LRCH1: variants seen among roughly 807,000 people sequenced by gnomAD.
LRCH1 encodes the protein leucine rich repeats and calponin homology domain containing 1, also known as leucine-rich repeat and calponin homology domain-containing protein 1.
Under a neutral mutation model 94.9 loss-of-function variants are expected in LRCH1, and 23 were observed. The ratio of observed to expected loss-of-function variants is 0.24; its 90% CI spans 0.17 to 0.34. LRCH1 has a LOEUF of 0.34. Among genes scored for constraint, LRCH1 ranks in the 10% least tolerant of loss-of-function variants. LRCH1 has a pLI of 1.00. For missense variants in LRCH1, 790 were observed against 945.9 expected, an observed-to-expected ratio of 0.84 and a Z score of 2.16; for synonymous variants, 364 against 354.9, an observed-to-expected ratio of 1.03 and a Z score of -0.29.
At chr13:46,752,187 A>G (rs1874168823) in exon 19 of LRCH1, 1 of 152,304 alleles carries the variant, frequency 6.6e-6, no homozygotes, top group South Asian at 2.1e-4. Context: ...AGTTCCATGC[A>G]TGTGCACTCA....
rs375671482 is a variant in LRCH1 at position 46,741,632 on chromosome 13, C to T, written c.2086-10C>T. Reference sequence around the variant, plus strand: ...GTCTCTTTCTGTTCTAATGGCTGCCCTCGGAATAGGCTGACCTCTGCTCTC... The same window carrying T: ...GTCTCTTTCTGTTCTAATGGCTGCCTTCGGAATAGGCTGACCTCTGCTCTC... On this transcript the variant is annotated splice_polypyrimidine_tract_variant and intron_variant, in intron 19 of 19. Transcript: ENST00000389797. The T allele has an allele frequency of 4.3e-6, 7 of 1,613,886 alleles. No individual in the cohort carries two copies. In the African/African-American group the frequency reaches 6.7e-5, roughly 15 times the overall value.
chr13:46,614,390 A>T (rs1159407658), intron 1 of LRCH1, among the ~76,000 whole-genome samples: 1 of 152,210 alleles, frequency 6.6e-6, no homozygotes, highest in Non-Finnish European at 1.5e-5. Flanking sequence ...AGGAGAAAGA[A>T]TATGAAAAGG....
At chr13:46,668,874 C>T (rs1038615389) in intron 2 of LRCH1, among the ~76,000 whole-genome samples, 156 bp from the exon 3 acceptor site, 1 of 151,610 alleles carries the variant, frequency 6.6e-6, no homozygotes, top group Non-Finnish European at 1.5e-5. Context: ...ACATACTTGT[C>T]ATTTGAGTTG....
At position 46,705,142 on chromosome 13, in the gene LRCH1, A is replaced by T. The variant is rs1157634947; in HGVS notation, c.1475A>T (p.Gln492Leu). The change falls in exon 12 of 20, where the codon CAA (glutamine) becomes CTA (leucine). Residue 492 changes from glutamine to leucine, a missense_variant. This residue lies in a region of LRCH1 where 460 missense variants were observed against 508.9 expected (regional missense o/e 0.90). Coordinates refer to ENST00000389797, the MANE Select transcript of LRCH1 (RefSeq NM_001164211.2). ...PMGSAEALELQDSALNGQIQL... is the reference protein window; with the variant it reads ...PMGSAEALELLDSALNGQIQL... ...GGATCAGCAGAAGCCTTAGAATTAC[A>T]AGATTCTGCACTGAAGTATGCTTGC... 1.2e-6 allele frequency: 2 copies of T among 1,608,502 alleles called. No homozygotes were observed. The highest frequency in any genetic ancestry group is 1.7e-6 in the Non-Finnish European group (2 of 1,177,374).
intron 19 of LRCH1, among the ~76,000 whole-genome samples, chr13:46,737,352 T>C (rs1873436338): frequency 1.3e-5 from 2 of 152,218 alleles, no homozygotes; most frequent in Admixed American, 1.3e-4. Context: ...CTCCTGCCTT[T>C]GCCTCCGAAA....
chr13:46,561,032 C>G (rs1484983083), intron 1 of LRCH1, among the ~76,000 whole-genome samples: 1 of 152,188 alleles, frequency 6.6e-6, no homozygotes, highest in African/African-American at 2.4e-5. Flanking sequence ...AGTCAGATTT[C>G]TGTTCACTGT....
At chr13:46,589,119 C>A (rs2050469445) in intron 1 of LRCH1, among the ~76,000 whole-genome samples, 1 of 152,118 alleles carries the variant, frequency 6.6e-6, no homozygotes, top group South Asian at 2.1e-4. Flanking sequence ...TCACTGCAGC[C>A]TCGAACTTCT....
chr13:46,619,059 TCTTTTTTCCTTCCTTCCTTCCTTCC>T (rs2050846663), intron 1 of LRCH1, among the ~76,000 whole-genome samples: 2 of 124,720 alleles, frequency 1.6e-5, no homozygotes, highest in East Asian at 2.5e-4. Context: ...TCTTTTCTTT[TCTTTTTTCCTTCCTTCCTTCCTTCC>T]TTCCTTCCTT....
intron 17 of LRCH1, among the ~76,000 whole-genome samples, chr13:46,724,674 T>C (rs547872587): frequency 6.6e-5 from 10 of 152,344 alleles, no homozygotes; most frequent in African/African-American, 2.4e-4. Flanking sequence ...ATTAACAGTA[T>C]AGGAATCAAT....
chr13:46,738,499 C>T (rs1002510953), intron 19 of LRCH1, among the ~76,000 whole-genome samples: 5 of 152,184 alleles, frequency 3.3e-5, no homozygotes, highest in African/African-American at 1.2e-4. Context: ...ATTACACATA[C>T]CACTGATTGA....
intron 4 of LRCH1, among the ~76,000 whole-genome samples, chr13:46,682,853 G>C (rs1225923015): frequency 6.6e-6 from 1 of 152,174 alleles, no homozygotes; most frequent in East Asian, 1.9e-4. Flanking sequence ...TTGAGTTCAA[G>C]GCAGATATGT....
intron 1 of LRCH1, among the ~76,000 whole-genome samples, chr13:46,588,431 T>C (rs1039741394): frequency 1.3e-5 from 2 of 152,164 alleles, no homozygotes; most frequent in Admixed American, 1.3e-4. Flanking sequence ...TTTCTTTTTA[T>C]ATGTTTAAGG....
intron 19 of LRCH1, among the ~76,000 whole-genome samples, chr13:46,735,229 G>T (rs1593385332): frequency 6.6e-6 from 1 of 152,172 alleles, no homozygotes; most frequent in Non-Finnish European, 1.5e-5. Flanking sequence ...TATTGTGTGT[G>T]TACATTTTAA....
Position 46,585,999 on chromosome 13 carries a change from A to G in LRCH1, c.307+32296A>G, listed in dbSNP as rs113353697. Among the ~76,000 whole-genome samples the G allele has an allele frequency of 1.4e-4, 21 of 152,302 alleles. 1 individual carries two copies. Among genetic ancestry groups the G allele is most frequent in the African/African-American group, 4.3e-4 (18 of 41,540 alleles). ...CAGTTCTCAGTCATGAGTATTGGGG[A>G]AAAATGCACATTAAAATTGGTTTTT... On this transcript the variant is annotated intron_variant, in intron 1 of 19. Coordinates refer to ENST00000389797, the MANE Select transcript of LRCH1 (RefSeq NM_001164211.2).
chr13:46,731,302 A>G (rs917252568), intron 18 of LRCH1, among the ~76,000 whole-genome samples: 10 of 152,096 alleles, frequency 6.6e-5, no homozygotes, highest in African/African-American at 2.2e-4. Context: ...CAGTGGCACG[A>G]TCTTGGCTTA....
At chr13:46,649,161 A>T (rs1332700496) in intron 1 of LRCH1, among the ~76,000 whole-genome samples, 1 of 152,190 alleles carries the variant, frequency 6.6e-6, no homozygotes. Context: ...CATCTATTTC[A>T]TCTGTGATAT....
intron 1 of LRCH1, among the ~76,000 whole-genome samples, chr13:46,576,207 G>A (rs895637723): frequency 6.6e-6 from 1 of 152,204 alleles, no homozygotes; most frequent in Non-Finnish European, 1.5e-5. Context: ...TCCTAAGCCA[G>A]AGAAACAAGA....
chr13:46,673,924 G>A (rs991876093), intron 3 of LRCH1, among the ~76,000 whole-genome samples: 29 of 152,084 alleles, frequency 1.9e-4, no homozygotes, highest in Admixed American at 9.8e-4. Context: ...GGGACTACAG[G>A]CACGTACCAC....
intron 1 of LRCH1, among the ~76,000 whole-genome samples, chr13:46,640,372 C>T (rs1288511449): frequency 6.6e-6 from 1 of 152,144 alleles, no homozygotes; most frequent in Non-Finnish European, 1.5e-5. Context: ...GTTACAGATG[C>T]AGAAATTGAG....
Sources: allele counts gnomAD v4.1 joint callset (sites outside exome capture counted in the v4.1 genomes callset), GRCh38; gene constraint gnomAD v4.1.1; regional missense constraint gnomAD v4.1.1; transcripts MANE v1.5; gene names NCBI Gene and HGNC (gene_info 2026-07-23, HGNC 2026-07-21).